The following OPCML variants were observed in gnomAD, a reference collection of about 807,000 sequenced individuals.
The protein encoded by OPCML is opioid-binding protein/cell adhesion molecule.
In OPCML, 13 loss-of-function variants were observed where a neutral mutation model predicts 37.8. The ratio of observed to expected loss-of-function variants is 0.34; its 90% CI spans 0.22 to 0.55. The LOEUF is 0.55. Ranked by LOEUF, OPCML falls within the 20% of genes least tolerant of loss-of-function variation. OPCML has a pLI of 0.91. For missense variants in OPCML, 341 were observed against 435.6 expected, an observed-to-expected ratio of 0.78 and a Z score of 1.93; for synonymous variants, 176 against 168.8, an observed-to-expected ratio of 1.04 and a Z score of -0.33.
At position 133,409,470 on chromosome 11, in the gene OPCML, A is replaced by G. The variant is rs144800739; in HGVS notation, c.61+122794T>C. On this transcript the variant is annotated intron_variant, in intron 1 of 7. Transcript: ENST00000524381. The stretch of plus-strand genomic sequence containing the variant: ...GGAAGCTAAAAGCATCTAGTCTCCC[A>G]GTGGGAATTTAAGCATCATCGACAA... 2.2e-4 allele frequency among the ~76,000 whole-genome samples: 33 copies of G among 152,344 alleles called. No homozygotes were observed. The East Asian group carries it at 5.6e-3, about 26-fold the overall frequency.
intron 4 of OPCML, among the ~76,000 whole-genome samples, chr11:132,485,216 G>A (rs12281475): frequency 0.099 from 15,120 of 152,048 alleles, 1,031 homozygotes; most frequent in Non-Finnish European, 0.15. Context: ...ACTGTCCCCC[G>A]ACTCATGACA....
chr11:132,807,390 G>C (rs1231673691), intron 2 of OPCML, among the ~76,000 whole-genome samples: 1 of 152,158 alleles, frequency 6.6e-6, no homozygotes. Context: ...GCATTAATAA[G>C]TTATCCCCAT....
At chr11:132,505,944 A>C (rs2096255889) in intron 4 of OPCML, among the ~76,000 whole-genome samples, 1 of 152,154 alleles carries the variant, frequency 6.6e-6, no homozygotes, top group Non-Finnish European at 1.5e-5. Flanking sequence ...GCATATTAGG[A>C]GAATTCAGAA....
At chr11:133,280,364 A>C (rs1358297391) in intron 1 of OPCML, among the ~76,000 whole-genome samples, 1 of 152,186 alleles carries the variant, frequency 6.6e-6, no homozygotes, top group Non-Finnish European at 1.5e-5. Flanking sequence ...AGCAGGAACC[A>C]CTCAGAATTA....
intron 2 of OPCML, among the ~76,000 whole-genome samples, chr11:132,702,579 C>T (rs1321001887): frequency 1.3e-5 from 2 of 152,106 alleles, no homozygotes; most frequent in Non-Finnish European, 2.9e-5. Context: ...CTTTCATCTT[C>T]ATGGATATGG....
At chr11:132,725,833 C>T (rs183311423) in intron 2 of OPCML, among the ~76,000 whole-genome samples, 15 of 151,858 alleles carry the variant, frequency 9.9e-5, no homozygotes, top group African/African-American at 3.6e-4. Context: ...TAAATCATCT[C>T]TCTCACGTTC....
chr11:133,153,302 G>T (rs1363034242), intron 1 of OPCML, among the ~76,000 whole-genome samples: 3 of 152,204 alleles, frequency 2.0e-5, no homozygotes, highest in Non-Finnish European at 4.4e-5. Flanking sequence ...CTTATGGCTG[G>T]ATGAAACCAG....
chr11:133,518,162 T>A (rs982631815), intron 1 of OPCML, among the ~76,000 whole-genome samples: 15 of 151,842 alleles, frequency 9.9e-5, no homozygotes, highest in Non-Finnish European at 1.9e-4. Flanking sequence ...GGGTGGTGTG[T>A]GTGGATATAG....
At chr11:132,881,718 G>A (rs1056803111) in intron 2 of OPCML, among the ~76,000 whole-genome samples, 10 of 152,192 alleles carry the variant, frequency 6.6e-5, no homozygotes, top group Non-Finnish European at 5.9e-5. Context: ...TTGCAAAAAC[G>A]CTGTTGTCTT....
At chr11:133,484,080 A>AGATAGATAGATAGATT (rs1324054465) in intron 1 of OPCML, among the ~76,000 whole-genome samples, 24 of 128,274 alleles carry the variant, frequency 1.9e-4, no homozygotes, top group African/African-American at 4.9e-4. Context: ...ATAGATAGAT[A>AGATAGATAGATAGATT]GATTCATAGA....
rs1945638778 is a variant in OPCML, at chr11:132,943,080, C to T, written c.62-70G>A. The stretch of plus-strand genomic sequence containing the variant: ...CACTTCCAGGGCAGGAACAGGTACC[C>T]ACAGACCCCCATTCTCGACAGCCAC... On this transcript the variant is annotated intron_variant, in intron 1 of 7. Coordinates refer to ENST00000524381, the MANE Select transcript of OPCML (RefSeq NM_001012393.5). This position sits in a 1 kb window ranked among gnomAD's most constrained non-coding sequence, Gnocchi z 4.3. 1 of 1,614,004 alleles carries T rather than the reference C, an allele frequency of 6.2e-7. No homozygotes were observed. The highest frequency in any genetic ancestry group is 8.5e-7 in the Non-Finnish European group (1 of 1,180,008).
chr11:133,010,449 T>C (rs1485907024), intron 1 of OPCML, among the ~76,000 whole-genome samples: 1 of 152,220 alleles, frequency 6.6e-6, no homozygotes, highest in Non-Finnish European at 1.5e-5. Context: ...CTTCAGATAT[T>C]TAAAGCATTA....
intron 1 of OPCML, among the ~76,000 whole-genome samples, chr11:133,415,422 A>T (rs2136879171): frequency 6.6e-6 from 1 of 151,908 alleles, no homozygotes; most frequent in East Asian, 1.9e-4. Context: ...AAAAAAAAAA[A>T]GCAGATTTTT....
intron 4 of OPCML, among the ~76,000 whole-genome samples, chr11:132,504,670 G>A (rs938011645): frequency 6.6e-6 from 1 of 151,326 alleles, no homozygotes; most frequent in Non-Finnish European, 1.5e-5. Context: ...TCTCGGTGTC[G>A]TCAGGGCATG....
At chr11:133,318,206 C>T (rs550437335) in intron 1 of OPCML, among the ~76,000 whole-genome samples, 24 of 152,274 alleles carry the variant, frequency 1.6e-4, no homozygotes, top group African/African-American at 5.3e-4. Flanking sequence ...TCTGGGTTAG[C>T]AAAGATTATT....
chr11:133,199,218 G>A (rs919369597), intron 1 of OPCML, among the ~76,000 whole-genome samples: 8 of 152,156 alleles, frequency 5.3e-5, no homozygotes, highest in Non-Finnish European at 1.2e-4. Flanking sequence ...AGGGTGGCAA[G>A]AGGGAATTGT....
At chr11:133,159,106 T>G (rs1022661718) in intron 1 of OPCML, among the ~76,000 whole-genome samples, 6 of 152,152 alleles carry the variant, frequency 3.9e-5, no homozygotes, top group African/African-American at 1.4e-4. Context: ...TAATGGAAAG[T>G]GAAATAAGGT....
intron 1 of OPCML, among the ~76,000 whole-genome samples, chr11:133,048,654 G>T (rs973559529): frequency 6.6e-5 from 10 of 152,084 alleles, no homozygotes; most frequent in African/African-American, 2.4e-4. Context: ...TGGGTTCATG[G>T]TTCTTACTGA....
chr11:133,116,526 T>A (rs771835245), intron 1 of OPCML, among the ~76,000 whole-genome samples: 1 of 152,134 alleles, frequency 6.6e-6, no homozygotes, highest in Non-Finnish European at 1.5e-5. Context: ...TGCAGGCCAG[T>A]CAGTTTGTAG....
Sources: gnomAD v4.1 joint callset for allele counts (sites outside exome capture counted in the v4.1 genomes callset) on GRCh38, gnomAD v4.1.1 for gene constraint, Gnocchi (gnomAD v3.1) non-coding constraint, MANE v1.5 for transcripts, NCBI Gene and HGNC (gene_info 2026-07-23, HGNC 2026-07-21) for gene names.